The following EBF1 variants were observed in gnomAD, a reference collection of about 807,000 sequenced individuals.
EBF1 encodes the protein transcription factor COE1.
A neutral mutation model predicts 68.4 loss-of-function variants in EBF1; 10 were observed. That is an observed-to-expected ratio of 0.15 (90% CI 0.09 to 0.25). EBF1 has a LOEUF of 0.25. EBF1 is among the 10% of genes least tolerant of loss of function. The pLI is 1.00. For missense variants in EBF1, 509 were observed against 794.4 expected (o/e 0.64, Z 4.32); for synonymous variants, 298 against 299.8 (o/e 0.99, Z 0.06).
intron 6 of EBF1, among the ~76,000 whole-genome samples, chr5:158,955,869 A>G (rs1389812707): frequency 6.6e-6 from 1 of 152,192 alleles, no homozygotes; most frequent in African/African-American, 2.4e-5. Flanking sequence ...TGAAAGGAAG[A>G]GTAGCAAAGA....
At chr5:159,029,550 A>G (rs367688467) in intron 6 of EBF1, among the ~76,000 whole-genome samples, 2 of 152,218 alleles carry the variant, frequency 1.3e-5, no homozygotes, top group Non-Finnish European at 2.9e-5. Flanking sequence ...CCTGACAACC[A>G]GCACAGTTCT....
At chr5:159,002,708 G>A (rs956206280) in intron 6 of EBF1, among the ~76,000 whole-genome samples, 1 of 152,184 alleles carries the variant, frequency 6.6e-6, no homozygotes, top group African/African-American at 2.4e-5. Flanking sequence ...AAAGGATGAA[G>A]CCATATAGGC....
chr5:158,762,600 A>G, intron 10 of EBF1, among the ~76,000 whole-genome samples: 1 of 152,174 alleles, frequency 6.6e-6, no homozygotes, highest in East Asian at 1.9e-4. Flanking sequence ...CAGTGGCACA[A>G]TCTCAGCTCA....
chr5:158,733,640 G>T (rs1468241255), intron 10 of EBF1, among the ~76,000 whole-genome samples: 2 of 152,168 alleles, frequency 1.3e-5, no homozygotes, highest in Non-Finnish European at 2.9e-5. Flanking sequence ...TTTACTCCAT[G>T]GACGTGTACT....
chr5:158,877,577 ATAT>A (rs1157126028), intron 6 of EBF1, among the ~76,000 whole-genome samples: 1 of 152,178 alleles, frequency 6.6e-6, no homozygotes, highest in Non-Finnish European at 1.5e-5. Context: ...CTGTTCAAAA[ATAT>A]TATTGCTTCA....
intron 6 of EBF1, among the ~76,000 whole-genome samples, chr5:159,018,454 T>C (rs191333528): frequency 5.3e-5 from 8 of 152,354 alleles, no homozygotes; most frequent in Admixed American, 5.2e-4. Context: ...CACCAGCCTA[T>C]TTACATTTTG....
intron 6 of EBF1, among the ~76,000 whole-genome samples, chr5:158,883,676 G>A (rs1799420147): frequency 6.6e-6 from 1 of 152,092 alleles, no homozygotes; most frequent in Non-Finnish European, 1.5e-5. Flanking sequence ...TACAAGTAGG[G>A]AAGTTAAGGC....
intron 6 of EBF1, among the ~76,000 whole-genome samples, chr5:158,906,912 A>G (rs1299858629): frequency 6.6e-6 from 1 of 152,250 alleles, no homozygotes; most frequent in Non-Finnish European, 1.5e-5. Flanking sequence ...TATGATGCTG[A>G]CTAATTTCAA....
rs373576201 is a variant in EBF1, at chr5:158,879,896, C to G, written c.555-39786G>C. On this transcript the variant is annotated intron_variant, in intron 6 of 15. Transcript: ENST00000313708. Reference sequence around the variant, plus strand: ...GCCACACGCCTTTCTGTGTCTGTCTCTCTCTCTCCCGAACCAGGCTTTCTG... The same window carrying G: ...GCCACACGCCTTTCTGTGTCTGTCTGTCTCTCTCCCGAACCAGGCTTTCTG... 2.0e-3 allele frequency among the ~76,000 whole-genome samples: 309 copies of G among 152,236 alleles called. 3 individuals are homozygous for G. The highest frequency in any genetic ancestry group is 7.3e-3 in the African/African-American group (302 of 41,540).
intron 7 of EBF1, among the ~76,000 whole-genome samples, chr5:158,834,429 T>A (rs10066085): frequency 0.03 from 4,520 of 152,034 alleles, 225 homozygotes; most frequent in African/African-American, 0.1. Context: ...ACAAAGCCTG[T>A]ATCCACTGTT....
chr5:158,946,128 A>G (rs1389954654), intron 6 of EBF1, among the ~76,000 whole-genome samples: 1 of 152,090 alleles, frequency 6.6e-6, no homozygotes, highest in South Asian at 2.1e-4. Context: ...GGGTTAGAAC[A>G]TGCTCCTTTA....
Position 158,913,337 on chromosome 5 carries a change from T to C in EBF1, c.555-73227A>G, listed in dbSNP as rs1444703474. On this transcript the variant is annotated intron_variant, in intron 6 of 15. Transcript: ENST00000313708. The stretch of plus-strand genomic sequence containing the variant: ...TCAGAAATAGGATTAAGACCAGGGC[T>C]TCATGGTTCTAAAGCTGAACTAAGT... Among the ~76,000 whole-genome samples the C allele has an allele frequency of 2.0e-5, 3 of 152,206 alleles. No individual in the cohort carries two copies. The East Asian group carries it at 5.8e-4, about 29-fold the overall frequency.
chr5:159,000,889 T>C (rs1391031327), intron 6 of EBF1, among the ~76,000 whole-genome samples: 1 of 152,224 alleles, frequency 6.6e-6, no homozygotes, highest in African/African-American at 2.4e-5. Context: ...AAAAATTCAT[T>C]GATATTGTTT....
At chr5:158,789,347 C>T (rs1778108528) in intron 9 of EBF1, among the ~76,000 whole-genome samples, 2 of 152,082 alleles carry the variant, frequency 1.3e-5, no homozygotes, top group Non-Finnish European at 2.9e-5. Flanking sequence ...TCTATCATGA[C>T]ATTTTGAAAG....
At chr5:158,753,604 T>G (rs1297660407) in intron 10 of EBF1, among the ~76,000 whole-genome samples, 4 of 152,112 alleles carry the variant, frequency 2.6e-5, no homozygotes, top group Non-Finnish European at 5.9e-5. Context: ...ACCAGATATT[T>G]TTTCTCCTTT....
At chr5:158,913,516 AC>A (rs1806465194) in intron 6 of EBF1, among the ~76,000 whole-genome samples, 1 of 152,130 alleles carries the variant, frequency 6.6e-6, no homozygotes, top group South Asian at 2.1e-4. Context: ...AAATGGCTGT[AC>A]CCCAAAAAGG....
At position 158,878,644 on chromosome 5, in the gene EBF1, C is replaced by CTTT. The variant is rs11445047; in HGVS notation, c.555-38537_555-38535dup. ...TCACACATTTCTACTTCTAGCCAGCCTTTTTTTTTTTTTTCCTGAGACAGA... is the reference window on the plus strand; with the variant it reads ...TCACACATTTCTACTTCTAGCCAGCCTTTTTTTTTTTTTTTTTCCTGAGACAGA... On this transcript the variant is annotated intron_variant, in intron 6 of 15. Coordinates refer to ENST00000313708, the MANE Select transcript of EBF1 (RefSeq NM_024007.5). Among the ~76,000 whole-genome samples the CTTT allele has an allele frequency of 5.1e-4, 71 of 140,574 alleles. 1 individual carries two copies. The highest frequency in any genetic ancestry group is 1.2e-3 in the African/African-American group (46 of 37,956). 92.2% of individuals were successfully genotyped at this position (140,574 alleles called of 152,430 possible).
At chr5:159,049,184 A>C (rs956847421) in intron 6 of EBF1, among the ~76,000 whole-genome samples, 2 of 152,244 alleles carry the variant, frequency 1.3e-5, no homozygotes, top group African/African-American at 2.4e-5. Context: ...TTCTGATTTA[A>C]AGCTAAACAT....
intron 10 of EBF1, among the ~76,000 whole-genome samples, chr5:158,731,938 AT>A (rs1184483800): frequency 6.6e-6 from 1 of 152,114 alleles, no homozygotes; most frequent in African/African-American, 2.4e-5. Context: ...TCTTTAAAGC[AT>A]CCTTAAATTA....
Sources: gnomAD v4.1 joint callset for allele counts (sites outside exome capture counted in the v4.1 genomes callset) on GRCh38, gnomAD v4.1.1 for gene constraint, MANE v1.5 for transcripts, NCBI Gene and HGNC (gene_info 2026-07-23, HGNC 2026-07-21) for gene names.